Variants in ZC3H12B observed in about 807,000 individuals in gnomAD.
The protein encoded by ZC3H12B is probable ribonuclease ZC3H12B.
Under a neutral mutation model 43.9 loss-of-function variants are expected in ZC3H12B, and 7 were observed. The observed-to-expected ratio is 0.16, with a 90% CI of 0.09 to 0.30. The LOEUF is 0.30. ZC3H12B is among the 10% of genes least tolerant of loss of function. ZC3H12B has a pLI of 1.00. For missense variants in ZC3H12B, 475 were observed against 670.2 expected, an observed-to-expected ratio of 0.71 and a Z score of 3.22; for synonymous variants, 222 against 241.7, an observed-to-expected ratio of 0.92 and a Z score of 0.76.
At chrX:65,374,088 T>G (rs1217306117) in intron 2 of ZC3H12B, among the ~76,000 whole-genome samples, 7 of 55,502 alleles carry the variant, frequency 1.3e-4, no homozygotes, top group African/African-American at 3.0e-4. Context: ...CTATATATAG[T>G]ATATATATAA....
At chrX:65,355,303 A>T in the ZC3H12B span, among the ~76,000 whole-genome samples, 1 of 111,990 alleles carries the variant, frequency 8.9e-6, no homozygotes, top group African/African-American at 3.2e-5. Flanking sequence ...GTGGGGGTCA[A>T]TATTCAACAT....
At chrX:65,339,558 C>T in the ZC3H12B span, among the ~76,000 whole-genome samples, 1 of 111,936 alleles carries the variant, frequency 8.9e-6, no homozygotes, top group African/African-American at 3.2e-5. Flanking sequence ...GATGCCTATC[C>T]TCCTAGGCTC....
chrX:65,309,980 G>A, the ZC3H12B span, among the ~76,000 whole-genome samples: 1 of 111,630 alleles, frequency 9.0e-6, no homozygotes, highest in South Asian at 3.8e-4. Context: ...CAATAAACTA[G>A]GTAGTGATGG....
At chrX:65,273,717 A>T in the ZC3H12B span, among the ~76,000 whole-genome samples, 9 of 112,153 alleles carry the variant, frequency 8.0e-5, no homozygotes, top group South Asian at 7.4e-4. Flanking sequence ...GACTTGTGAC[A>T]AAAAAGAAAA....
At chrX:65,429,426 C>T (rs1211431552) in intron 3 of ZC3H12B, among the ~76,000 whole-genome samples, 3 of 112,782 alleles carry the variant, frequency 2.7e-5, no homozygotes, top group Non-Finnish European at 3.8e-5. Context: ...GAGATCAGAG[C>T]TCTGTCTGTA....
intron 2 of ZC3H12B, among the ~76,000 whole-genome samples, chrX:65,371,957 T>C (rs975261484): frequency 9.0e-6 from 1 of 111,518 alleles, no homozygotes; most frequent in Middle Eastern, 4.7e-3. Flanking sequence ...TTGCAAACTT[T>C]AAGGGATTTA....
the ZC3H12B span, chrX:65,357,078 A>T: frequency 1.8e-6 from 1 of 556,528 alleles, no homozygotes; most frequent in East Asian, 3.5e-5. Flanking sequence ...AGAGAGGGCC[A>T]GTCACTGCCC....
chrX:65,219,442 A>C, the ZC3H12B span, among the ~76,000 whole-genome samples: 1 of 111,659 alleles, frequency 9.0e-6, no homozygotes, highest in Non-Finnish European at 1.9e-5. Flanking sequence ...GTCCAGTGAA[A>C]TAGATAACAT....
chrX:65,160,902 C>A, the ZC3H12B span, among the ~76,000 whole-genome samples: 3 of 111,053 alleles, frequency 2.7e-5, no homozygotes, highest in South Asian at 3.9e-4. Context: ...GCATTTAGTG[C>A]TATAAATTTC....
intron 3 of ZC3H12B, among the ~76,000 whole-genome samples, chrX:65,450,821 A>G (rs375811567): frequency 2.1e-3 from 149 of 69,386 alleles, no homozygotes; most frequent in Non-Finnish European, 2.8e-3. Context: ...ATATGTATAT[A>G]TATACATATG....
chrX:65,507,009 A>T (rs772457439), exon 5 of ZC3H12B: 1 of 111,228 alleles, frequency 9.0e-6, no homozygotes, highest in East Asian at 2.8e-4. Context: ...TACTTCTCTA[A>T]AATTCATTTT....
chrX:65,072,442 T>C, the ZC3H12B span, among the ~76,000 whole-genome samples: 1 of 112,693 alleles, frequency 8.9e-6, no homozygotes, highest in Non-Finnish European at 1.9e-5. Context: ...GTGTGATAAT[T>C]TGTAGCAAAG....
the ZC3H12B span, among the ~76,000 whole-genome samples, chrX:65,212,731 A>G: frequency 2.1e-5 from 2 of 94,967 alleles, no homozygotes; most frequent in Non-Finnish European, 4.1e-5. Flanking sequence ...TATCATATAT[A>G]AATATATATA....
the ZC3H12B span, among the ~76,000 whole-genome samples, chrX:65,171,191 T>G: frequency 1.8e-5 from 2 of 111,095 alleles, no homozygotes; most frequent in Admixed American, 9.7e-5. Context: ...CTTTTGTCTT[T>G]GATGATGGTG....
the ZC3H12B span, among the ~76,000 whole-genome samples, chrX:65,279,089 A>T: frequency 9.0e-6 from 1 of 110,651 alleles, no homozygotes; most frequent in Non-Finnish European, 1.9e-5. Context: ...ATTGTGATTA[A>T]TGAACATTTG....
the ZC3H12B span, among the ~76,000 whole-genome samples, chrX:65,137,693 T>C: frequency 7.1e-4 from 80 of 112,626 alleles, 1 homozygote; most frequent in Non-Finnish European, 9.4e-4. Flanking sequence ...AAATTAAAAG[T>C]GGATTCTCAC....
the ZC3H12B span, among the ~76,000 whole-genome samples, chrX:65,214,676 A>T: frequency 1.8e-5 from 2 of 111,148 alleles, no homozygotes; most frequent in South Asian, 7.6e-4. Flanking sequence ...GTTTGGAATA[A>T]ACTCACCTAA....
chrX:65,483,702 T>C lies in ZC3H12B; in HGVS notation n.408-4944T>C, dbSNP rs1436083698. On this transcript the variant is annotated intron_variant and non_coding_transcript_variant, in intron 3 of 5. Transcript: ENST00000617377. ...TAAATGATTGTTCATATGTTATTAC[T>C]GTTATCGAAGTTTTATAACTTATTT... 3.6e-5 allele frequency among the ~76,000 whole-genome samples: 4 copies of C among 112,498 alleles called. No homozygotes were observed. In the South Asian group the frequency reaches 1.5e-3, roughly 41 times the overall value.
At chrX:65,129,257 G>GTATATATATATATATATACA in the ZC3H12B span, among the ~76,000 whole-genome samples, 1 of 86,004 alleles carries the variant, frequency 1.2e-5, no homozygotes, top group Non-Finnish European at 2.0e-5. Flanking sequence ...GTGTATATAT[G>GTATATATATATATATATACA]TATATATATA....
Sources: allele counts gnomAD v4.1 joint callset (sites outside exome capture counted in the v4.1 genomes callset), GRCh38; gene constraint gnomAD v4.1.1; transcripts MANE v1.5; gene names NCBI Gene and HGNC (gene_info 2026-07-23, HGNC 2026-07-21).